NEDD9: variants seen among roughly 807,000 people sequenced by gnomAD.
The protein encoded by NEDD9 is enhancer of filamentation 1.
A neutral mutation model predicts 76.6 loss-of-function variants in NEDD9; 26 were observed. The ratio of observed to expected loss-of-function variants is 0.34; its 90% CI spans 0.25 to 0.47. The LOEUF (loss-of-function observed/expected upper bound fraction) is 0.47, where lower values mean the gene tolerates loss of function less well. NEDD9 is among the 20% of genes least tolerant of loss of function. The probability of loss-of-function intolerance (pLI) is 1.00; values close to 1 mark genes in which losing one functional copy is unlikely to be tolerated. For missense variants in NEDD9, 937 were observed against 1,058.5 expected (o/e 0.89, Z 1.59); for synonymous variants, 392 against 414.2 (o/e 0.95, Z 0.65).
intron 3 of NEDD9, among the ~76,000 whole-genome samples, chr6:11,293,198 T>TTTTG (rs1760817014): frequency 6.9e-6 from 1 of 144,576 alleles, no homozygotes; most frequent in African/African-American, 2.5e-5. Flanking sequence ...AAGTCTATGT[T>TTTTG]TTTTTTTTTG....
At chr6:11,308,199 G>A (rs967347130) in intron 2 of NEDD9, among the ~76,000 whole-genome samples, 3 of 152,010 alleles carry the variant, frequency 2.0e-5, no homozygotes, top group African/African-American at 7.2e-5. Context: ...ATGGGATGGA[G>A]CAGGGCTGGG....
intron 1 of NEDD9, among the ~76,000 whole-genome samples, chr6:11,357,325 TCTC>T (rs1301708151): frequency 6.6e-6 from 1 of 152,136 alleles, no homozygotes; most frequent in African/African-American, 2.4e-5. Context: ...TTGTTTTTCT[TCTC>T]CGTTGGTGCT....
chr6:11,319,402 A>G lies in NEDD9; in HGVS notation c.-152-13247T>C, dbSNP rs916956197. Among the ~76,000 whole-genome samples, 5 of 151,568 alleles carry G rather than the reference A, an allele frequency of 3.3e-5. 1 individual carries two copies. The highest frequency in any genetic ancestry group is 2.6e-4 in the Admixed American group (4 of 15,212). ...ACAAGTCTCACACTCACACACACTC[A>G]TGCACCCTCACATACAGTCACACAT... On this transcript the variant is annotated intron_variant, in intron 2 of 3. Coordinates refer to the NEDD9 transcript ENST00000397378.
At chr6:11,305,628 A>G (rs1561824763) in intron 3 of NEDD9, among the ~76,000 whole-genome samples, 1 of 152,252 alleles carries the variant, frequency 6.6e-6, no homozygotes, top group Non-Finnish European at 1.5e-5. Flanking sequence ...ACAAGGCACC[A>G]AGAACTGGCT....
chr6:11,322,203 C>A (rs996126060), intron 2 of NEDD9, among the ~76,000 whole-genome samples: 1 of 152,116 alleles, frequency 6.6e-6, no homozygotes, highest in Non-Finnish European at 1.5e-5. Flanking sequence ...GAAGGGAGAG[C>A]ATTAGGACAA....
chr6:11,190,480 G>A lies in NEDD9; in HGVS notation c.1389C>T (p.Leu463=). 1 of 1,614,220 alleles carries A rather than the reference G, an allele frequency of 6.2e-7. No homozygotes were observed. Among genetic ancestry groups the A allele is most frequent in the Non-Finnish European group, 8.5e-7 (1 of 1,180,038 alleles). ...TTGCAACAGCTCCCTTGACAAAGTG[G>A]AGGTACTCCTTCAGGAACAGCTCCA... ...DKVELFLKEY[L]HFVKGAVANA... is the part of the protein sequence containing the mutation. Residue 463 remains leucine, a synonymous_variant, in exon 5 of 7, where the codon CTC becomes CTT. Transcript: ENST00000379446. The surrounding 1 kb of genome is among the most constrained non-coding windows in gnomAD (Gnocchi z 5.8).
chr6:11,213,137 A>T lies in NEDD9; in HGVS notation c.459+144T>A. 2.6e-6 allele frequency: 2 copies of T among 780,414 alleles called. No homozygotes were observed. The highest frequency in any genetic ancestry group is 4.0e-6 in the Non-Finnish European group (2 of 495,310). 48.3% of individuals were successfully genotyped at this position (780,414 alleles called of 1,614,324 possible). A position where few individuals can be genotyped will look rare whatever the true frequency, so the allele number is the denominator to read the frequency against. On this transcript the variant is annotated intron_variant, in intron 2 of 6. Coordinates refer to ENST00000379446, the MANE Select transcript of NEDD9 (RefSeq NM_006403.4). This position sits in a 1 kb window ranked among gnomAD's most constrained non-coding sequence, Gnocchi z 5.4. ...TGATGGATGAATGGCAAAATCATGCAAACATGATGCCTGAGCTAAGGTATT... is the reference window on the plus strand; with the variant it reads ...TGATGGATGAATGGCAAAATCATGCTAACATGATGCCTGAGCTAAGGTATT...
chr6:11,224,625 GA>G (rs946923867), intron 1 of NEDD9, among the ~76,000 whole-genome samples: 4 of 143,440 alleles, frequency 2.8e-5, no homozygotes, highest in African/African-American at 8.6e-5. Flanking sequence ...AAAAGGAAAA[GA>G]AAAAAAAAAT....
At chr6:11,206,001 T>A (rs1298759599) in intron 2 of NEDD9, among the ~76,000 whole-genome samples, 1 of 152,216 alleles carries the variant, frequency 6.6e-6, no homozygotes, top group East Asian at 1.9e-4. Context: ...GAGCAGCACA[T>A]CTCTCTAGAA....
At chr6:11,315,469 T>C (rs982636725) in intron 2 of NEDD9, among the ~76,000 whole-genome samples, 6 of 152,358 alleles carry the variant, frequency 3.9e-5, no homozygotes, top group Non-Finnish European at 7.4e-5. Context: ...TCCATTTGTA[T>C]AAAAGCAACC....
intron 3 of NEDD9, 142 bp from the exon 4 acceptor site, chr6:11,192,588 T>C (rs1758177005): frequency 2.0e-6 from 1 of 502,098 alleles, no homozygotes; most frequent in Non-Finnish European, 3.3e-6. Flanking sequence ...TTATAACAGA[T>C]TTATTGCCTT....
intron 2 of NEDD9, among the ~76,000 whole-genome samples, chr6:11,326,238 G>A (rs1414240759): frequency 6.6e-6 from 1 of 151,912 alleles, no homozygotes; most frequent in East Asian, 1.9e-4. Flanking sequence ...CTTATGAGCC[G>A]GGTATTTAGC....
intron 1 of NEDD9, among the ~76,000 whole-genome samples, chr6:11,354,785 T>C (rs1762534421): frequency 6.6e-6 from 1 of 152,028 alleles, no homozygotes. Flanking sequence ...CTGCAACTGG[T>C]TTAGGGAAGG....
At chr6:11,350,894 CAG>C (rs1762456092) in intron 1 of NEDD9, among the ~76,000 whole-genome samples, 1 of 152,194 alleles carries the variant, frequency 6.6e-6, no homozygotes, top group Non-Finnish European at 1.5e-5. Context: ...GGCGTCTTGA[CAG>C]AGGTGCAGTC....
At chr6:11,290,311 C>A (rs188558452) in intron 3 of NEDD9, among the ~76,000 whole-genome samples, 16 of 152,206 alleles carry the variant, frequency 1.1e-4, no homozygotes, top group African/African-American at 2.7e-4. Context: ...TTCATTCCCC[C>A]CAAAGGCTGT....
exon 3 of NEDD9, chr6:11,306,122 T>C: frequency 8.1e-7 from 1 of 1,231,282 alleles, no homozygotes; most frequent in East Asian, 2.3e-5. Flanking sequence ...TGTTTGCCAG[T>C]GTCTGACATT....
intron 1 of NEDD9, among the ~76,000 whole-genome samples, chr6:11,230,809 G>A (rs1285520443): frequency 1.3e-5 from 2 of 152,154 alleles, no homozygotes; most frequent in East Asian, 1.9e-4. Flanking sequence ...AATGCCAATC[G>A]CAGTTTACGC....
At chr6:11,223,889 A>C (rs966836227) in intron 1 of NEDD9, among the ~76,000 whole-genome samples, 1 of 152,228 alleles carries the variant, frequency 6.6e-6, no homozygotes, top group Non-Finnish European at 1.5e-5. Context: ...AGTTTCCTGC[A>C]AAAGGCTGCT....
chr6:11,344,881 T>G (rs1762336376), intron 1 of NEDD9, among the ~76,000 whole-genome samples: 1 of 152,004 alleles, frequency 6.6e-6, no homozygotes. Flanking sequence ...CAAAAAAAAG[T>G]GGAGATTGGG....
Sources: gnomAD v4.1 joint callset for allele counts (sites outside exome capture counted in the v4.1 genomes callset) on GRCh38, gnomAD v4.1.1 for gene constraint, Gnocchi (gnomAD v3.1) non-coding constraint, MANE v1.5 for transcripts, NCBI Gene and HGNC (gene_info 2026-07-23, HGNC 2026-07-21) for gene names.